The following CNTN4 variants were observed in gnomAD, a reference collection of about 807,000 sequenced individuals.
CNTN4 encodes contactin 4, also known as contactin-4.
CNTN4 carries 77 observed loss-of-function variants against 122.5 expected under a neutral mutation model. The ratio of observed to expected loss-of-function variants is 0.63; its 90% CI spans 0.52 to 0.76. The LOEUF is 0.76. Ranked by LOEUF, CNTN4 falls within the 30% of genes least tolerant of loss-of-function variation. The pLI, the probability that CNTN4 is intolerant of heterozygous loss-of-function variation, is 0.00. For missense variants in CNTN4, 1,256 were observed against 1,259.1 expected, an observed-to-expected ratio of 1.00 and a Z score of 0.04; for synonymous variants, 512 against 447.0, an observed-to-expected ratio of 1.15 and a Z score of -1.83.
At chr3:2,852,646 A>G (rs568745794) in intron 7 of CNTN4, among the ~76,000 whole-genome samples, 12 of 152,278 alleles carry the variant, frequency 7.9e-5, no homozygotes, top group African/African-American at 2.9e-4. Flanking sequence ...AGATGAGAAA[A>G]TTGAGTCTTA....
At chr3:2,153,700 T>C (rs2035592918) in intron 2 of CNTN4, among the ~76,000 whole-genome samples, 1 of 152,154 alleles carries the variant, frequency 6.6e-6, no homozygotes, top group South Asian at 2.1e-4. Context: ...ATGACCTATT[T>C]GTCTTTTAGA....
chr3:2,906,024 C>G (rs2094227510), intron 12 of CNTN4, among the ~76,000 whole-genome samples: 1 of 152,148 alleles, frequency 6.6e-6, no homozygotes, highest in Non-Finnish European at 1.5e-5. Context: ...AGGAGAAAAT[C>G]CTGTCATTTG....
At chr3:2,274,920 A>G (rs1259284800) in intron 2 of CNTN4, among the ~76,000 whole-genome samples, 1 of 152,156 alleles carries the variant, frequency 6.6e-6, no homozygotes, top group African/African-American at 2.4e-5. Flanking sequence ...CCATCTTGAT[A>G]CTGTGTCAAA....
chr3:2,856,671 C>T (rs555459465), intron 7 of CNTN4, among the ~76,000 whole-genome samples: 1 of 152,226 alleles, frequency 6.6e-6, no homozygotes, highest in Non-Finnish European at 1.5e-5. Flanking sequence ...TGCAGGAATA[C>T]TATGTATTGT....
At chr3:2,105,632 A>G (rs755946393) in intron 2 of CNTN4, among the ~76,000 whole-genome samples, 2 of 152,136 alleles carry the variant, frequency 1.3e-5, no homozygotes, top group Non-Finnish European at 2.9e-5. Context: ...ATCACCTCCT[A>G]CCAGGTCCCA....
At chr3:2,400,594 G>A (rs921420871) in intron 3 of CNTN4, among the ~76,000 whole-genome samples, 11 of 149,708 alleles carry the variant, frequency 7.3e-5, no homozygotes, top group African/African-American at 2.7e-4. Flanking sequence ...AAAAGTCTTA[G>A]TTCAACAAAT....
chr3:2,121,080 C>G (rs886136094), intron 2 of CNTN4, among the ~76,000 whole-genome samples: 1 of 143,164 alleles, frequency 7.0e-6, no homozygotes. Flanking sequence ...TCCTTCCTCC[C>G]TCCCTTCCTT....
At chr3:2,436,224 T>C (rs2048252898) in intron 3 of CNTN4, among the ~76,000 whole-genome samples, 1 of 152,102 alleles carries the variant, frequency 6.6e-6, no homozygotes, top group African/African-American at 2.4e-5. Flanking sequence ...TGGTTCAGGG[T>C]TGTAGATTCA....
chr3:2,299,172 G>A (rs561775940), intron 2 of CNTN4, among the ~76,000 whole-genome samples: 2 of 152,108 alleles, frequency 1.3e-5, no homozygotes, highest in Non-Finnish European at 2.9e-5. Flanking sequence ...TAAATGATAA[G>A]AGAATTAATC....
intron 7 of CNTN4, among the ~76,000 whole-genome samples, chr3:2,821,912 T>G (rs558800646): frequency 6.6e-6 from 1 of 152,378 alleles, no homozygotes; most frequent in South Asian, 2.1e-4. Context: ...AACACTGTTT[T>G]ATTTTTGTCC....
chr3:2,352,659 G>A (rs954779615), intron 3 of CNTN4, among the ~76,000 whole-genome samples: 1 of 152,174 alleles, frequency 6.6e-6, no homozygotes, highest in Non-Finnish European at 1.5e-5. Context: ...AGCCCGCCAA[G>A]CCCGAGCTCC....
intron 14 of CNTN4, among the ~76,000 whole-genome samples, chr3:3,008,770 T>TG (rs1430828426): frequency 6.6e-6 from 1 of 152,206 alleles, no homozygotes; most frequent in East Asian, 1.9e-4. Flanking sequence ...GCAAAAGTGT[T>TG]GCAGTTTTTA....
At chr3:2,797,665 T>C (rs930939958) in intron 6 of CNTN4, among the ~76,000 whole-genome samples, 2 of 152,140 alleles carry the variant, frequency 1.3e-5, no homozygotes, top group Admixed American at 6.5e-5. Context: ...ATTAAACAAG[T>C]CCCTTTACTG....
intron 8 of CNTN4, among the ~76,000 whole-genome samples, chr3:2,879,706 C>G (rs576552804): frequency 6.6e-6 from 1 of 152,158 alleles, no homozygotes; most frequent in East Asian, 1.9e-4. Flanking sequence ...AATGGGGATT[C>G]ATTGTGAATG....
intron 4 of CNTN4, among the ~76,000 whole-genome samples, chr3:2,589,675 T>C (rs2080370168): frequency 1.3e-5 from 2 of 152,236 alleles, no homozygotes; most frequent in Non-Finnish European, 2.9e-5. Flanking sequence ...CAGGAAATTA[T>C]ACTCCAGTAT....
intron 4 of CNTN4, among the ~76,000 whole-genome samples, chr3:2,677,709 G>T (rs1210731738): frequency 6.6e-6 from 1 of 151,946 alleles, no homozygotes; most frequent in African/African-American, 2.4e-5. Context: ...GGTGGCAGCA[G>T]GCAGGCACTC....
chr3:2,270,716 TAGTGTGA>T, intron 2 of CNTN4, among the ~76,000 whole-genome samples: 1 of 152,140 alleles, frequency 6.6e-6, no homozygotes. Flanking sequence ...GACTGAAGGC[TAGTGTGA>T]CAGAAAATGG....
chr3:2,374,718 A>G (rs186030021), intron 3 of CNTN4, among the ~76,000 whole-genome samples: 1 of 152,370 alleles, frequency 6.6e-6, no homozygotes, highest in Admixed American at 6.5e-5. Context: ...TTCATTAAAC[A>G]CACTGACCAC....
chr3:3,007,033 C>G (rs768968228), intron 14 of CNTN4, among the ~76,000 whole-genome samples: 3 of 152,072 alleles, frequency 2.0e-5, no homozygotes, highest in Non-Finnish European at 4.4e-5. Context: ...GAAAACATAC[C>G]AAATCCCAGC....
Sources: allele counts gnomAD v4.1 joint callset (sites outside exome capture counted in the v4.1 genomes callset), GRCh38; gene constraint gnomAD v4.1.1; transcripts MANE v1.5; gene names NCBI Gene and HGNC (gene_info 2026-07-23, HGNC 2026-07-21).